ARHGAP28: variants seen among roughly 807,000 people sequenced by gnomAD.
ARHGAP28 encodes the protein rho GTPase-activating protein 28.
A neutral mutation model predicts 90.7 loss-of-function variants in ARHGAP28; 56 were observed. That is an observed-to-expected ratio of 0.62 (90% confidence interval 0.50 to 0.77). The LOEUF is 0.77. Among genes scored for constraint, ARHGAP28 ranks in the 30% least tolerant of loss-of-function variants. ARHGAP28 has a pLI of 0.00. For missense variants in ARHGAP28, 869 were observed against 900.9 expected (o/e 0.96, Z 0.45); for synonymous variants, 308 against 323.3 (o/e 0.95, Z 0.51).
intron 2 of ARHGAP28, among the ~76,000 whole-genome samples, chr18:6,836,956 C>G (rs1240052184): frequency 1.3e-5 from 2 of 152,098 alleles, no homozygotes; most frequent in African/African-American, 2.4e-5. Context: ...GTTTAACTCT[C>G]TAGCAGGAAA....
chr18:6,905,738 T>C (rs76303451), intron 16 of ARHGAP28, among the ~76,000 whole-genome samples: 4,281 of 152,196 alleles, frequency 0.028, 96 homozygotes, highest in South Asian at 0.05. Context: ...ATCAATCACA[T>C]TGGAACATGT....
At position 6,895,352 on chromosome 18, in the gene ARHGAP28, T is replaced by C. The variant is rs573614140; in HGVS notation, c.1905+461T>C. Among the ~76,000 whole-genome samples, 46 of 152,290 alleles carry C rather than the reference T, an allele frequency of 3.0e-4. No individual in the cohort carries two copies. The South Asian group carries it at 9.5e-3, about 32-fold the overall frequency. On this transcript the variant is annotated intron_variant, in intron 15 of 17. Coordinates refer to ENST00000383472, the MANE Select transcript of ARHGAP28 (RefSeq NM_001366230.1). The stretch of plus-strand genomic sequence containing the variant: ...TGCTGGTAATGTTAGGAGAATACTG[T>C]AAGAACTGACTCTGTTCTAAAATAT...
At chr18:6,837,545 A>G (rs1255124408) in intron 3 of ARHGAP28, 131 bp downstream of exon 3, 1 of 694,992 alleles carries the variant, frequency 1.4e-6, no homozygotes, top group African/African-American at 1.8e-5. Flanking sequence ...TGAGAAAACT[A>G]AAGCAGACAG....
chr18:6,824,293 C>T (rs2056646147), intron 1 of ARHGAP28, among the ~76,000 whole-genome samples: 1 of 152,080 alleles, frequency 6.6e-6, no homozygotes, highest in South Asian at 2.1e-4. Flanking sequence ...AATCCCAGCA[C>T]TTTGGGAGGC....
rs766408917 is a variant in ARHGAP28 at position 6,870,657 on chromosome 18, A to G, written c.879A>G (p.Ser293=). The G allele has an allele frequency of 1.9e-6, 3 of 1,612,742 alleles. No individual in the cohort carries two copies. Among genetic ancestry groups the G allele is most frequent in the Non-Finnish European group, 2.5e-6 (3 of 1,179,060 alleles). ...AGCTGTCATTTGAAGTGTCTTATTCAGAAATGGTTACGGAGGCTCTAAAAA... is the reference window on the plus strand; with the variant it reads ...AGCTGTCATTTGAAGTGTCTTATTCGGAAATGGTTACGGAGGCTCTAAAAA... ...AEELSFEVSY[S]EMVTEALKRN... is the part of the protein sequence containing the mutation. Residue 293 remains serine, a synonymous_variant, in exon 7 of 18, where the codon TCA becomes TCG. Coordinates refer to ENST00000383472, the MANE Select transcript of ARHGAP28 (RefSeq NM_001366230.1).
chr18:6,780,848 C>G (rs370126200), intron 1 of ARHGAP28, among the ~76,000 whole-genome samples: 1 of 150,560 alleles, frequency 6.6e-6, no homozygotes, highest in Non-Finnish European at 1.5e-5. Flanking sequence ...GCCGAGATCA[C>G]GCCATTTGCA....
chr18:6,882,105 A>T (rs2057183205), intron 10 of ARHGAP28, 32 bp from the exon 11 acceptor site: 1 of 1,591,882 alleles, frequency 6.3e-7, no homozygotes, highest in African/African-American at 1.3e-5. Context: ...GTAAAAGTGC[A>T]TTGAATACTG....
chr18:6,787,626 C>T (rs1008122563), intron 1 of ARHGAP28, among the ~76,000 whole-genome samples: 1 of 152,146 alleles, frequency 6.6e-6, no homozygotes, highest in African/African-American at 2.4e-5. Context: ...CTTTACAAAG[C>T]TGTGATGTGC....
intron 1 of ARHGAP28, among the ~76,000 whole-genome samples, chr18:6,748,752 T>G (rs2056045289): frequency 6.6e-6 from 1 of 152,204 alleles, no homozygotes; most frequent in African/African-American, 2.4e-5. Context: ...ATTTCCCACA[T>G]GTTTACTGGA....
chr18:6,781,581 T>A (rs1157293649), intron 1 of ARHGAP28, among the ~76,000 whole-genome samples: 1 of 152,118 alleles, frequency 6.6e-6, no homozygotes, highest in East Asian at 1.9e-4. Context: ...ATGGGATGTG[T>A]CTCTGAGGCT....
rs778940127 is a variant in ARHGAP28, at chr18:6,889,937, G to T, written c.1586G>T (p.Arg529Leu). Residue 529 changes from arginine to leucine, a missense_variant, in exon 13 of 18, where the codon CGA (arginine) becomes CTA (leucine). Transcript: ENST00000383472. ...GTGATTGCCAATGAATCAAAAAACC[G>T]AATGAGTCTGTGGAACATTTCTACA... Reference protein sequence around the residue: ...NKVIANESKNRMSLWNISTVM... With the variant: ...NKVIANESKNLMSLWNISTVM... 1 of 1,614,112 alleles carries T rather than the reference G, an allele frequency of 6.2e-7. No homozygotes were observed. The highest frequency in any genetic ancestry group is 8.5e-7 in the Non-Finnish European group (1 of 1,180,018).
At chr18:6,795,469 G>A (rs1026809319) in intron 1 of ARHGAP28, among the ~76,000 whole-genome samples, 1 of 152,170 alleles carries the variant, frequency 6.6e-6, no homozygotes, top group African/African-American at 2.4e-5. Flanking sequence ...ACATTCTTTT[G>A]CTCTAGACCA....
At chr18:6,754,085 T>G (rs1319472911) in intron 1 of ARHGAP28, among the ~76,000 whole-genome samples, 3 of 152,228 alleles carry the variant, frequency 2.0e-5, no homozygotes, top group Non-Finnish European at 4.4e-5. Context: ...AGGTAGCAGG[T>G]AGGAAGAATA....
At chr18:6,827,481 A>C (rs2056677360) in intron 2 of ARHGAP28, among the ~76,000 whole-genome samples, 1 of 111,382 alleles carries the variant, frequency 9.0e-6, no homozygotes, top group African/African-American at 3.4e-5. Flanking sequence ...ACTTCCCAGT[A>C]GGGGCGGCCG....
chr18:6,784,921 T>A (rs2056354316), intron 1 of ARHGAP28, among the ~76,000 whole-genome samples: 2 of 152,196 alleles, frequency 1.3e-5, no homozygotes, highest in African/African-American at 2.4e-5. Flanking sequence ...CAGCTAGCAG[T>A]CCATGGAGTC....
chr18:6,833,432 T>TTC (rs971145097), intron 2 of ARHGAP28, among the ~76,000 whole-genome samples: 1 of 151,726 alleles, frequency 6.6e-6, no homozygotes, highest in Non-Finnish European at 1.5e-5. Flanking sequence ...TTTCTCTTTC[T>TTC]TCTCTCTCTC....
chr18:6,902,113 G>A (rs1182046806), intron 16 of ARHGAP28, among the ~76,000 whole-genome samples: 2 of 152,106 alleles, frequency 1.3e-5, no homozygotes, highest in East Asian at 3.9e-4. Context: ...ACTTCAGGGT[G>A]GGCATGAATT....
rs1412184647 is a variant in ARHGAP28 at position 6,908,960 on chromosome 18, T to A, written c.2031T>A (p.Ser677Arg). The change falls in exon 17 of 18, where the codon AGT becomes AGA. Residue 677 changes from serine (S) to arginine (R), a missense_variant and splice_region_variant. Ser to Arg is a moderately radical substitution (Grantham distance 110, BLOSUM62 -1). Transcript: ENST00000383472. The stretch of plus-strand genomic sequence containing the variant: ...TATATTATTTTCTCATTTTTTTCAG[T>A]CATGGTTCATCAGAATGTATTAAGA... The part of the protein sequence containing the change: ...DILAKFQYEN[S>R]HGSSECIKIQ... 6.6e-7 allele frequency: 1 copy of A among 1,525,272 alleles called. No individual in the cohort carries two copies. 94.5% of individuals were successfully genotyped at this position (1,525,272 alleles called of 1,614,324 possible).
At chr18:6,840,911 A>C (rs1297675291) in intron 3 of ARHGAP28, among the ~76,000 whole-genome samples, 3 of 152,094 alleles carry the variant, frequency 2.0e-5, no homozygotes, top group Admixed American at 2.0e-4. Flanking sequence ...TATAAACCTC[A>C]CTTTTGAAAA....
Sources: gnomAD v4.1 joint callset for allele counts (sites outside exome capture counted in the v4.1 genomes callset) on GRCh38, gnomAD v4.1.1 for gene constraint, MANE v1.5 for transcripts, NCBI Gene and HGNC (gene_info 2026-07-23, HGNC 2026-07-21) for gene names.